CELF2: variants seen among roughly 807,000 people sequenced by gnomAD.
The protein encoded by CELF2 is CUGBP Elav-like family member 2, also known as CUG triplet repeat RNA-binding protein 2.
CELF2 carries 8 observed loss-of-function variants against 62.6 expected under a neutral mutation model. That is an observed-to-expected ratio of 0.13 (90% confidence interval 0.07 to 0.23). The LOEUF is 0.23. CELF2 is among the 10% of genes least tolerant of loss of function. The pLI, the probability that CELF2 is intolerant of heterozygous loss-of-function variation, is 1.00. For missense variants in CELF2, 333 were observed against 671.0 expected (o/e 0.50, Z 5.56); for synonymous variants, 258 against 250.0 (o/e 1.03, Z -0.30).
chr10:10,561,728 A>T, the CELF2 span, among the ~76,000 whole-genome samples: 1 of 152,060 alleles, frequency 6.6e-6, no homozygotes, highest in Non-Finnish European at 1.5e-5. Flanking sequence ...GCCCAGTCTC[A>T]ATCCTCCCTT....
At chr10:11,074,342 A>C (rs1489855293) in intron 1 of CELF2, among the ~76,000 whole-genome samples, 1 of 152,224 alleles carries the variant, frequency 6.6e-6, no homozygotes, top group Non-Finnish European at 1.5e-5. Context: ...ATTTTTTAAA[A>C]ACAGCCAAAG....
chr10:11,199,353 C>A (rs2058704062), intron 2 of CELF2, among the ~76,000 whole-genome samples: 1 of 152,148 alleles, frequency 6.6e-6, no homozygotes, highest in South Asian at 2.1e-4. Flanking sequence ...TCAAACAAAT[C>A]TTGAGCCCTC....
the CELF2 span, among the ~76,000 whole-genome samples, chr10:10,567,185 C>T: frequency 6.6e-6 from 1 of 152,140 alleles, no homozygotes; most frequent in African/African-American, 2.4e-5. Context: ...ATTGTTAAGT[C>T]AGTTTTAATG....
chr10:10,551,387 GT>G, the CELF2 span, among the ~76,000 whole-genome samples: 3 of 152,132 alleles, frequency 2.0e-5, no homozygotes, highest in Non-Finnish European at 4.4e-5. Context: ...AGGAGACTTT[GT>G]GCAGCTGAAG....
At chr10:10,611,998 A>G in the CELF2 span, among the ~76,000 whole-genome samples, 54 of 152,192 alleles carry the variant, frequency 3.5e-4, no homozygotes, top group Admixed American at 3.5e-3. Context: ...AGTTAAATTT[A>G]GGAGAAAGAG....
At chr10:11,197,028 A>AAGGAAGGAAGGAAG (rs1565231131) in intron 2 of CELF2, among the ~76,000 whole-genome samples, 9 of 20,970 alleles carry the variant, frequency 4.3e-4, no homozygotes, top group African/African-American at 3.5e-3. Context: ...AAGAAAGAAA[A>AAGGAAGGAAGGAAG]GAAAGAAAGA....
At chr10:11,079,752 CT>C (rs2073413191) in intron 1 of CELF2, among the ~76,000 whole-genome samples, 1 of 131,100 alleles carries the variant, frequency 7.6e-6, no homozygotes. Flanking sequence ...CCCCCCCCCC[CT>C]TTTTAGGCCA....
At position 10,928,718 on chromosome 10, in the gene CELF2, T is replaced by C. The variant is rs556040404; in HGVS notation, c.89+8719T>C. 6.6e-6 allele frequency among the ~76,000 whole-genome samples: 1 copy of C among 152,298 alleles called. No individual in the cohort carries two copies. Among genetic ancestry groups the C allele is most frequent in the South Asian group, 2.1e-4 (1 of 4,828 alleles). ...CCTGAAGAGATTTATGTTCCTTCTG[T>C]TGGTTCCCAAAGACCCCAGTTTTAA... On this transcript the variant is annotated intron_variant, in intron 2 of 13. Transcript: ENST00000636488. This position sits in a 1 kb window ranked among gnomAD's most constrained non-coding sequence, Gnocchi z 4.8.
chr10:10,888,396 C>T (rs779438549), intron 1 of CELF2, among the ~76,000 whole-genome samples: 3 of 152,186 alleles, frequency 2.0e-5, no homozygotes, highest in Non-Finnish European at 4.4e-5. Flanking sequence ...ACAGTTTCAT[C>T]TCACACCATA....
At chr10:11,203,802 C>T (rs1213597629) in intron 2 of CELF2, among the ~76,000 whole-genome samples, 4 of 152,232 alleles carry the variant, frequency 2.6e-5, no homozygotes, top group South Asian at 2.1e-4. Flanking sequence ...AGGACATCCC[C>T]TCTTGCCCCA....
chr10:10,828,107 C>T (rs2057554541), intron 1 of CELF2, among the ~76,000 whole-genome samples: 1 of 149,592 alleles, frequency 6.7e-6, no homozygotes. Context: ...GATGGTTTCT[C>T]AAAAAACCGC....
In CELF2 at chr10:11,267,117, A is replaced by C. The variant is rs1402304268; in HGVS notation, c.618+440A>C. 6.6e-6 allele frequency among the ~76,000 whole-genome samples: 1 copy of C among 152,242 alleles called. No individual in the cohort carries two copies. Among genetic ancestry groups the C allele is most frequent in the Non-Finnish European group, 1.5e-5 (1 of 68,034 alleles). ...GGGTTCTTTCGTTTGTACAGGGTCA[A>C]GTTATCTTCCATCTAGTCAAACAGC... On this transcript the variant is annotated intron_variant, in intron 6 of 12. Transcript: ENST00000633077. This position sits in a 1 kb window ranked among gnomAD's most constrained non-coding sequence, Gnocchi z 4.4.
In CELF2 at chr10:11,244,584, G is replaced by A. The variant is rs1235237199; in HGVS notation, c.355-4569G>A. Among the ~76,000 whole-genome samples, 1 of 151,756 alleles carries A rather than the reference G, an allele frequency of 6.6e-6. No homozygotes were observed. The highest frequency in any genetic ancestry group is 1.9e-4 in the East Asian group (1 of 5,178). On this transcript the variant is annotated intron_variant, in intron 3 of 12. Coordinates refer to ENST00000633077, the MANE Select transcript of CELF2 (RefSeq NM_001326342.2). This position sits in a 1 kb window ranked among gnomAD's most constrained non-coding sequence, Gnocchi z 4.2. ...GCAGGAGAATGGCATGAACCCGGGA[G>A]GCAGAGCTTTCAGTGAGCCGAGATC... is the stretch of plus-strand genomic sequence containing the variant.
intron 1 of CELF2, among the ~76,000 whole-genome samples, chr10:11,163,070 C>G (rs752241347): frequency 2.4e-4 from 37 of 152,104 alleles, no homozygotes; most frequent in Non-Finnish European, 5.0e-4. Context: ...AGGCATTGGC[C>G]GGCTCCTCTA....
chr10:10,644,154 T>C, the CELF2 span, among the ~76,000 whole-genome samples: 1 of 152,176 alleles, frequency 6.6e-6, no homozygotes, highest in African/African-American at 2.4e-5. Context: ...ATGTCTCCTG[T>C]CTGCTGCCAC....
chr10:11,163,054 G>A (rs1191079824), intron 1 of CELF2, among the ~76,000 whole-genome samples: 1 of 152,190 alleles, frequency 6.6e-6, no homozygotes, highest in Non-Finnish European at 1.5e-5. Flanking sequence ...ACAGGCCAGA[G>A]GCATGAGGCA....
chr10:10,737,734 A>G, the CELF2 span, among the ~76,000 whole-genome samples: 1 of 151,946 alleles, frequency 6.6e-6, no homozygotes, highest in African/African-American at 2.4e-5. Flanking sequence ...TTGGCATAAG[A>G]AACCTTGGCA....
rs2140334780 is a variant in CELF2 at position 11,306,926 on chromosome 10, G to A, written c.977-7213G>A. Among the ~76,000 whole-genome samples, 1 of 152,324 alleles carries A rather than the reference G, an allele frequency of 6.6e-6. No individual in the cohort carries two copies. The highest frequency in any genetic ancestry group is 1.9e-4 in the East Asian group (1 of 5,188). Reference sequence around the variant, plus strand: ...GTCATCAATAACAAAAGGGGCCCAGGGAGTTTCTAGGCCGCCTCCACCTCT... The same window carrying A: ...GTCATCAATAACAAAAGGGGCCCAGAGAGTTTCTAGGCCGCCTCCACCTCT... On this transcript the variant is annotated intron_variant, in intron 9 of 12. Coordinates refer to ENST00000633077, the MANE Select transcript of CELF2 (RefSeq NM_001326342.2). The surrounding 1 kb of genome is among the most constrained non-coding windows in gnomAD (Gnocchi z 4.4).
intron 2 of CELF2, among the ~76,000 whole-genome samples, chr10:11,170,812 G>A (rs574474138): frequency 3.3e-5 from 5 of 152,264 alleles, no homozygotes; most frequent in Admixed American, 2.0e-4. Flanking sequence ...CATCGCTCTC[G>A]TAATGTGTTA....
Sources: allele counts gnomAD v4.1 joint callset (sites outside exome capture counted in the v4.1 genomes callset), GRCh38; gene constraint gnomAD v4.1.1; non-coding constraint Gnocchi (gnomAD v3.1); transcripts MANE v1.5; gene names NCBI Gene and HGNC (gene_info 2026-07-23, HGNC 2026-07-21).